Variants in NUP210L observed in about 807,000 individuals in gnomAD.
The protein encoded by NUP210L is nucleoporin 210 like, also known as nuclear pore membrane glycoprotein 210-like.
In NUP210L, 74 loss-of-function variants were observed where a neutral mutation model predicts 208.5. That is an observed-to-expected ratio of 0.35 (90% confidence interval 0.29 to 0.43). The LOEUF (loss-of-function observed/expected upper bound fraction) is 0.43. Among genes scored for constraint, NUP210L ranks in the 20% least tolerant of loss-of-function variants. The pLI is 1.00. For missense variants in NUP210L, 1,843 were observed against 2,289.4 expected (o/e 0.81, Z 3.98); for synonymous variants, 780 against 816.9 (o/e 0.95, Z 0.77).
At position 154,060,976 on chromosome 1, in the gene NUP210L, T is replaced by G. The variant is rs1277050107; in HGVS notation, c.2714A>C (p.Glu905Ala). 5 of 1,613,708 alleles carry G rather than the reference T, an allele frequency of 3.1e-6. No homozygotes were observed. In the African/African-American group the frequency reaches 6.7e-5, roughly 22 times the overall value. ...AGGGTGGTTATAGATGGTGGCATTC[T>G]CAGGCACTACAGTTACATCATCTAC... is the stretch of plus-strand genomic sequence containing the variant. The change falls in exon 19 of 40, where the codon GAG becomes GCG. Residue 905 changes from glutamate (E) to alanine (A), a missense_variant. This residue lies in a region of NUP210L where 408 missense variants were observed against 600.8 expected (regional missense o/e 0.68). Transcript: ENST00000368559.
Position 154,118,574 on chromosome 1 carries a change from T to A in NUP210L, c.1464+97A>T, listed in dbSNP as rs111843067. The A allele has an allele frequency of 1.9e-4, 173 of 907,964 alleles. No homozygotes were observed. In the African/African-American group the frequency reaches 2.2e-3, roughly 11 times the overall value. 56.2% of individuals were successfully genotyped at this position (907,964 alleles called of 1,614,324 possible). A position where few individuals can be genotyped will look rare whatever the true frequency, so the allele number is the denominator to read the frequency against. ...CAAAACCCAAGTTATACTTTTAGGA[T>A]TGGGAGGAAATAAATGTAACATTAA... On this transcript the variant is annotated intron_variant, in intron 11 of 39. Coordinates refer to ENST00000368559, the Ensembl canonical transcript of NUP210L.
chr1:154,057,172 T>A (rs1653913505), intron 22 of NUP210L, among the ~76,000 whole-genome samples: 1 of 151,976 alleles, frequency 6.6e-6, no homozygotes, highest in Non-Finnish European at 1.5e-5. Flanking sequence ...AGAGCCGGGG[T>A]CTCACTGTGT....
chr1:154,058,416 ATGT>A, intron 21 of NUP210L, 146 bp downstream of exon 21: 1 of 1,067,244 alleles, frequency 9.4e-7, no homozygotes, highest in Middle Eastern at 2.9e-4. Context: ...TAATGTTGAA[ATGT>A]TGTTCTTTAA....
At chr1:154,086,943 T>C (rs1435392869) in intron 16 of NUP210L, among the ~76,000 whole-genome samples, 1 of 152,092 alleles carries the variant, frequency 6.6e-6, no homozygotes, top group African/African-American at 2.4e-5. Flanking sequence ...AAAAGACATA[T>C]AGTTCAATTA....
chr1:154,122,603 C>T (rs962021041), intron 10 of NUP210L, among the ~76,000 whole-genome samples: 7 of 152,004 alleles, frequency 4.6e-5, no homozygotes, highest in Non-Finnish European at 7.4e-5. Flanking sequence ...TGCAGTGAGC[C>T]GAGATTGTGC....
exon 1 of NUP210L, chr1:154,155,096 C>A (rs1480693500): frequency 7.4e-7 from 1 of 1,342,974 alleles, no homozygotes; most frequent in South Asian, 1.2e-5. Flanking sequence ...CTCACAGCTC[C>A]ATCAGCCAAT....
exon 40 of NUP210L, chr1:153,992,899 A>G (rs746613693): frequency 6.2e-7 from 1 of 1,613,466 alleles, no homozygotes; most frequent in African/African-American, 1.3e-5. Flanking sequence ...TTGTAGACTC[A>G]TGAAGTGAGG....
chr1:154,036,595 C>T (rs1652568425), intron 27 of NUP210L, among the ~76,000 whole-genome samples: 1 of 151,464 alleles, frequency 6.6e-6, no homozygotes, highest in South Asian at 2.1e-4. Flanking sequence ...AAACTCCTGA[C>T]CTCAAGTGAT....
chr1:154,057,027 G>T, intron 22 of NUP210L, 80 bp from the exon 23 acceptor site: 1 of 1,389,022 alleles, frequency 7.2e-7, no homozygotes, highest in Non-Finnish European at 1.0e-6. Context: ...CGCCCAGGCT[G>T]GAGTGCAGTG....
rs200193230 is a variant in NUP210L, at chr1:154,025,652, C to T, written c.4012G>A (p.Glu1338Lys). 4.7e-5 allele frequency: 76 copies of T among 1,613,902 alleles called. No homozygotes were observed. The East Asian group carries it at 8.9e-4, about 19-fold the overall frequency. The change falls in exon 30 of 40, where the codon GAG (glutamate) becomes AAG (lysine). Residue 1338 changes from glutamate to lysine, a missense_variant. Around this residue, in one of 5 missense-constraint regions of NUP210L, gnomAD observed 781 missense variants for 973.8 expected, o/e 0.80. Transcript: ENST00000368559. ...GCTTTCAGGAGCCCTTCACCATCCTCCTCAATGACGGATGAATTAGGGAAA... is the reference window on the plus strand; with the variant it reads ...GCTTTCAGGAGCCCTTCACCATCCTTCTCAATGACGGATGAATTAGGGAAA...
Position 154,113,785 on chromosome 1 carries a change from G to A in NUP210L, c.1620+3940C>T, listed in dbSNP as rs565751435. ...AAGCAGGAGAATCGCTTGAACCTGG[G>A]AGGTGGAGGTTGCAGTGAGCTGAGA... On this transcript the variant is annotated intron_variant, in intron 12 of 39. Transcript: ENST00000368559. 2.0e-5 allele frequency among the ~76,000 whole-genome samples: 3 copies of A among 150,638 alleles called. No homozygotes were observed. The South Asian group carries it at 6.3e-4, about 32-fold the overall frequency.
chr1:154,147,930 CAG>C (rs1337150874), intron 2 of NUP210L, among the ~76,000 whole-genome samples: 4 of 141,736 alleles, frequency 2.8e-5, no homozygotes, highest in Non-Finnish European at 4.7e-5. Context: ...GCTGGGATTA[CAG>C]AGGTGAGCCA....
intron 27 of NUP210L, among the ~76,000 whole-genome samples, chr1:154,041,497 A>AT (rs904759238): frequency 2.6e-5 from 4 of 151,872 alleles, no homozygotes; most frequent in South Asian, 2.1e-4. Context: ...CACCTGGTTA[A>AT]TTTTTTTATT....
rs1246661585 is a variant in NUP210L, at chr1:154,006,974, T to A, written c.4930+2998A>T. The stretch of plus-strand genomic sequence containing the variant: ...TATATATATATATATATATTTTTTT[T>A]TTTTTTTTAAATGGAGTTTCGCTCT... On this transcript the variant is annotated intron_variant, in intron 35 of 39. Transcript: ENST00000368559. Among the ~76,000 whole-genome samples the A allele has an allele frequency of 1.2e-4, 14 of 113,334 alleles. No homozygotes were observed. In the South Asian group the frequency reaches 1.6e-3, roughly 13 times the overall value. The allele number at this position is 113,334 out of a possible 152,430, so 74.4% of individuals were successfully genotyped here.
chr1:154,048,309 G>A (rs1653299790), intron 25 of NUP210L, among the ~76,000 whole-genome samples: 1 of 152,080 alleles, frequency 6.6e-6, no homozygotes. Flanking sequence ...ATTCAGGCAG[G>A]AATCCAGCAA....
chr1:154,082,959 C>G (rs1461725461), intron 16 of NUP210L, among the ~76,000 whole-genome samples: 1 of 152,160 alleles, frequency 6.6e-6, no homozygotes, highest in African/African-American at 2.4e-5. Context: ...TTCTTCATTC[C>G]TCCTGGTGGG....
chr1:154,127,707 T>G (rs952461982), intron 8 of NUP210L, among the ~76,000 whole-genome samples: 1 of 151,890 alleles, frequency 6.6e-6, no homozygotes, highest in Admixed American at 6.6e-5. Context: ...TGCGTTACCA[T>G]GCATGCTCAG....
At chr1:154,152,713 T>C (rs1360681721) in intron 2 of NUP210L, 23 bp downstream of exon 2, 3 of 1,607,488 alleles carry the variant, frequency 1.9e-6, no homozygotes, top group Non-Finnish European at 2.6e-6. Flanking sequence ...AAGTGATACA[T>C]AGTGTTTTTG....
At chr1:154,110,130 G>T (rs1656969657) in intron 12 of NUP210L, among the ~76,000 whole-genome samples, 1 of 150,208 alleles carries the variant, frequency 6.7e-6, no homozygotes, top group Admixed American at 6.6e-5. Flanking sequence ...AGCTACTCAG[G>T]AGGCTGAGGC....
Sources: allele counts gnomAD v4.1 joint callset (sites outside exome capture counted in the v4.1 genomes callset), GRCh38; gene constraint gnomAD v4.1.1; regional missense constraint gnomAD v4.1.1; transcripts MANE v1.5; gene names NCBI Gene and HGNC (gene_info 2026-07-23, HGNC 2026-07-21).